KCNK13: variants seen among roughly 807,000 people sequenced by gnomAD.
KCNK13 encodes the protein potassium two pore domain channel subfamily K member 13.
In KCNK13, 12 loss-of-function variants were observed where a neutral mutation model predicts 23.4. That is an observed-to-expected ratio of 0.51 (90% confidence interval 0.33 to 0.83). KCNK13 has a LOEUF of 0.83. Ranked by LOEUF, KCNK13 falls within the 40% of genes least tolerant of loss-of-function variation. The pLI is 0.02. For missense variants in KCNK13, 463 were observed against 556.3 expected (o/e 0.83, Z 1.69); for synonymous variants, 231 against 229.5 (o/e 1.01, Z -0.06).
chr14:90,143,175 C>CTTTCTTTCTTTCTTTCTTTCT (rs1555352142), intron 1 of KCNK13, among the ~76,000 whole-genome samples: 5 of 60,026 alleles, frequency 8.3e-5, no homozygotes, highest in African/African-American at 2.8e-4. Flanking sequence ...TTCTTTCTTT[C>CTTTCTTTCTTTCTTTCTTTCT]TTTTCTTTTC....
chr14:90,092,168 C>A (rs1282849779), intron 1 of KCNK13, among the ~76,000 whole-genome samples: 1 of 152,116 alleles, frequency 6.6e-6, no homozygotes. Flanking sequence ...GTGATCTGCC[C>A]GCCTTGGCCT....
At chr14:90,115,624 G>A (rs1244443014) in intron 1 of KCNK13, among the ~76,000 whole-genome samples, 3 of 152,134 alleles carry the variant, frequency 2.0e-5, no homozygotes, top group East Asian at 3.9e-4. Flanking sequence ...TCAACTTTGC[G>A]ACTGTAGCCT....
chr14:90,096,011 A>G (rs889894496), intron 1 of KCNK13, among the ~76,000 whole-genome samples: 7 of 152,192 alleles, frequency 4.6e-5, no homozygotes, highest in Admixed American at 1.3e-4. Flanking sequence ...TACAAAGGAT[A>G]CAGATGAAGA....
intron 1 of KCNK13, among the ~76,000 whole-genome samples, chr14:90,087,154 A>ATTT (rs1555401789): frequency 4.5e-4 from 48 of 107,618 alleles, no homozygotes; most frequent in Non-Finnish European, 6.7e-4. Context: ...ATATATATAT[A>ATTT]TTTTTTTTTT....
At chr14:90,099,271 TG>T (rs751287862) in intron 1 of KCNK13, among the ~76,000 whole-genome samples, 43 of 152,282 alleles carry the variant, frequency 2.8e-4, no homozygotes, top group Non-Finnish European at 5.4e-4. Flanking sequence ...ACGTGAGGAA[TG>T]TTCAGGACTG....
intron 1 of KCNK13, among the ~76,000 whole-genome samples, chr14:90,068,952 A>T (rs1286810872): frequency 6.6e-6 from 1 of 151,566 alleles, no homozygotes; most frequent in Non-Finnish European, 1.5e-5. Context: ...GACCCGGCTC[A>T]TGAGGACCTG....
At chr14:90,074,795 G>A (rs1353212477) in intron 1 of KCNK13, among the ~76,000 whole-genome samples, 1 of 151,948 alleles carries the variant, frequency 6.6e-6, no homozygotes, top group East Asian at 1.9e-4. Flanking sequence ...TATGTTTATG[G>A]GAATATAAAT....
At chr14:90,069,929 T>A (rs2140388371) in intron 1 of KCNK13, among the ~76,000 whole-genome samples, 1 of 152,342 alleles carries the variant, frequency 6.6e-6, no homozygotes, top group Non-Finnish European at 1.5e-5. Flanking sequence ...AGTTTTGTTT[T>A]GTTCAGTGTC....
At chr14:90,117,478 T>C (rs558959971) in intron 1 of KCNK13, among the ~76,000 whole-genome samples, 1 of 152,100 alleles carries the variant, frequency 6.6e-6, no homozygotes, top group South Asian at 2.1e-4. Context: ...TAGTCCCAGC[T>C]ACTCGGGAGA....
intron 1 of KCNK13, among the ~76,000 whole-genome samples, chr14:90,105,718 C>T (rs1889536500): frequency 1.3e-5 from 2 of 152,110 alleles, no homozygotes; most frequent in East Asian, 1.9e-4. Flanking sequence ...CAGACAAGGA[C>T]AGGCAGCAAT....
intron 1 of KCNK13, among the ~76,000 whole-genome samples, chr14:90,068,151 C>G (rs28664211): frequency 0.11 from 17,148 of 152,060 alleles, 1,053 homozygotes; most frequent in East Asian, 0.21. Context: ...TGGCCACCAC[C>G]ACCTGCAAGT....
rs151029097 is a variant in KCNK13 at position 90,079,098 on chromosome 14, G to A, written c.334+16559G>A. 1.5e-3 allele frequency among the ~76,000 whole-genome samples: 232 copies of A among 152,270 alleles called. 1 individual carries two copies. The highest frequency in any genetic ancestry group is 5.4e-3 in the African/African-American group (223 of 41,572). On this transcript the variant is annotated intron_variant, in intron 1 of 1. Coordinates refer to ENST00000282146, the MANE Select transcript of KCNK13 (RefSeq NM_022054.4). The stretch of plus-strand genomic sequence containing the variant: ...ACCAGGAGTTGGGCCTCTTCAGCTC[G>A]GTGGTGTAACCCTAGTGCTCAGGTT...
chr14:90,080,912 C>G (rs1055717272), intron 1 of KCNK13, among the ~76,000 whole-genome samples: 8 of 152,308 alleles, frequency 5.3e-5, no homozygotes, highest in Admixed American at 5.2e-4. Flanking sequence ...TCCTGTGCAT[C>G]CTAGGGTGCT....
In KCNK13 at chr14:90,184,561, T is replaced by C; in HGVS notation, c.785T>C (p.Phe262Ser). 1.2e-6 allele frequency: 2 copies of C among 1,614,268 alleles called. No homozygotes were observed. Among genetic ancestry groups the C allele is most frequent in the Non-Finnish European group, 1.7e-6 (2 of 1,180,052 alleles). The change falls in exon 2 of 2, where the codon TTC (phenylalanine) becomes TCC (serine). Residue 262 changes from phenylalanine (F) to serine (S), a missense_variant. This residue lies in a region of KCNK13 where 144 missense variants were observed against 224.0 expected (regional missense o/e 0.64). Transcript: ENST00000282146. The surrounding 1 kb of genome is among the most constrained non-coding windows in gnomAD (Gnocchi z 5.6). ...ESQGLYRFANFVFILMGVCCI... is the reference protein window; with the variant it reads ...ESQGLYRFANSVFILMGVCCI... ...CAAGGCCTCTATCGCTTTGCCAACT[T>C]CGTCTTCATCCTCATGGGTGTCTGC...
chr14:90,109,927 C>T (rs1049506375), intron 1 of KCNK13, among the ~76,000 whole-genome samples: 5 of 151,938 alleles, frequency 3.3e-5, no homozygotes, highest in East Asian at 1.9e-4. Flanking sequence ...AGGCTGGTCT[C>T]GAAATCCAAG....
rs577049441 is a variant in KCNK13, at chr14:90,184,681, G to A, written c.905G>A (p.Cys302Tyr). ...RKMDSGCCPQ[C>Y]QRGLLRSRRN... The stretch of plus-strand genomic sequence containing the variant: ...ATGGACAGCGGGTGCTGCCCGCAAT[G>A]CCAGAGAGGACTCTTGCGATCACGC... The change falls in exon 2 of 2, where the codon TGC becomes TAC. Residue 302 changes from cysteine to tyrosine, a missense_variant. By Grantham distance (194) the Cys-to-Tyr change is radical. This residue lies in a region of KCNK13 where 166 missense variants were observed against 178.8 expected (regional missense o/e 0.93). Transcript: ENST00000282146. The surrounding 1 kb of genome is among the most constrained non-coding windows in gnomAD (Gnocchi z 5.6). 14 of 1,614,132 alleles carry A rather than the reference G, an allele frequency of 8.7e-6. No individual in the cohort carries two copies. The highest frequency in any genetic ancestry group is 1.2e-5 in the Non-Finnish European group (14 of 1,180,060).
At chr14:90,175,237 C>T (rs2140446026) in intron 1 of KCNK13, among the ~76,000 whole-genome samples, 1 of 152,252 alleles carries the variant, frequency 6.6e-6, no homozygotes, top group South Asian at 2.1e-4. Flanking sequence ...TGGAATTTCC[C>T]CTGAAGGAAC....
chr14:90,183,869 A>T (rs534395813), intron 1 of KCNK13, among the ~76,000 whole-genome samples: 1 of 152,156 alleles, frequency 6.6e-6, no homozygotes, highest in Non-Finnish European at 1.5e-5. Context: ...CACCATGAGG[A>T]TGAGGTGCTA....
intron 1 of KCNK13, among the ~76,000 whole-genome samples, chr14:90,160,970 G>A (rs1380122900): frequency 6.6e-6 from 1 of 151,994 alleles, no homozygotes; most frequent in Non-Finnish European, 1.5e-5. Flanking sequence ...AGAATTAAAA[G>A]CAGAGACTCA....
Sources: gnomAD v4.1 joint callset for allele counts (sites outside exome capture counted in the v4.1 genomes callset) on GRCh38, gnomAD v4.1.1 for gene constraint, gnomAD v4.1.1 regional missense constraint, Gnocchi (gnomAD v3.1) non-coding constraint, MANE v1.5 for transcripts, NCBI Gene and HGNC (gene_info 2026-07-23, HGNC 2026-07-21) for gene names.